Variants in ANKRD28 observed in about 807,000 individuals in gnomAD.
ANKRD28 encodes ankyrin repeat domain 28.
ANKRD28 carries 44 observed loss-of-function variants against 126.5 expected under a neutral mutation model. That is an observed-to-expected ratio of 0.35 (90% confidence interval 0.27 to 0.45). ANKRD28 has a LOEUF of 0.45. ANKRD28 is among the 20% of genes least tolerant of loss of function. The pLI is 1.00. For missense variants in ANKRD28, 1,110 were observed against 1,316.6 expected (o/e 0.84, Z 2.43); for synonymous variants, 442 against 468.5 (o/e 0.94, Z 0.73).
upstream of ANKRD28, among the ~76,000 whole-genome samples, chr3:15,800,131 A>G (rs1326632437): frequency 6.6e-6 from 1 of 152,110 alleles, no homozygotes; most frequent in Non-Finnish European, 1.5e-5. Context: ...TTCTGCTTCC[A>G]TCATTTCCTA....
chr3:15,835,883 A>C (rs1434023946), intron 1 of ANKRD28, among the ~76,000 whole-genome samples: 6 of 152,252 alleles, frequency 3.9e-5, no homozygotes. Flanking sequence ...GGAAGAAATA[A>C]AGAGCACTGG....
chr3:15,731,671 G>A (rs1054537373), intron 6 of ANKRD28, among the ~76,000 whole-genome samples: 3 of 151,908 alleles, frequency 2.0e-5, no homozygotes, highest in Non-Finnish European at 2.9e-5. Context: ...TCAACATGGT[G>A]AAACCTCATC....
intron 5 of ANKRD28, among the ~76,000 whole-genome samples, chr3:15,736,720 A>C (rs2075039853): frequency 6.6e-6 from 1 of 152,178 alleles, no homozygotes; most frequent in Admixed American, 6.5e-5. Flanking sequence ...TTCCTTTGCT[A>C]TTTACTTCTG....
chr3:15,694,870 T>G, intron 16 of ANKRD28, 57 bp from the exon 17 acceptor site: 24 of 1,491,978 alleles, frequency 1.6e-5, no homozygotes, highest in Non-Finnish European at 2.1e-5. Flanking sequence ...AATTATTCTC[T>G]CCCACCCACC....
chr3:15,833,069 C>A lies in ANKRD28; in HGVS notation c.27+26308G>T, dbSNP rs1241822324. ...AATAGTGTATAGTGTATAAGCATTC[C>A]CTTTTCTTCACACCTGTGATGGTTA... On this transcript the variant is annotated intron_variant, in intron 1 of 27. Transcript: ENST00000399451. The surrounding 1 kb of genome is among the most constrained non-coding windows in gnomAD (Gnocchi z 4.4). 2.6e-5 allele frequency among the ~76,000 whole-genome samples: 4 copies of A among 152,112 alleles called. No homozygotes were observed. Among genetic ancestry groups the A allele is most frequent in the Non-Finnish European group, 5.9e-5 (4 of 68,014 alleles).
intron 6 of ANKRD28, among the ~76,000 whole-genome samples, chr3:15,729,788 T>C (rs554819617): frequency 6.6e-6 from 1 of 152,156 alleles, no homozygotes; most frequent in Non-Finnish European, 1.5e-5. Flanking sequence ...AAAGTAGATA[T>C]TTACAGCCTC....
chr3:15,818,441 C>T (rs895608162), intron 1 of ANKRD28, among the ~76,000 whole-genome samples: 7 of 152,140 alleles, frequency 4.6e-5, no homozygotes, highest in Admixed American at 1.3e-4. Context: ...AAATGAATTT[C>T]GTGTTTAGAC....
At chr3:15,754,459 C>A (rs2058049432) in intron 3 of ANKRD28, among the ~76,000 whole-genome samples, 1 of 152,048 alleles carries the variant, frequency 6.6e-6, no homozygotes, top group African/African-American at 2.4e-5. Context: ...CAGTAAAATG[C>A]TTCCTTTAAG....
At position 15,737,221 on chromosome 3, in the gene ANKRD28, C is replaced by A; in HGVS notation, c.364G>T (p.Val122Leu). ...VASCSEEAVQVLLKHSADVNA... is the reference protein window; with the variant it reads ...VASCSEEAVQLLLKHSADVNA... ...ACATCTGCAGAATGCTTCAAAAGTACCTGAACTGCTTCCTAAAACATATGA... is the reference window on the plus strand; with the variant it reads ...ACATCTGCAGAATGCTTCAAAAGTAACTGAACTGCTTCCTAAAACATATGA... Residue 122 changes from valine to leucine, a missense_variant, in exon 5 of 28, where the codon GTA (valine) becomes TTA (leucine). Coordinates refer to ENST00000683139, the MANE Select transcript of ANKRD28 (RefSeq NM_001349278.2). 1 of 1,613,540 alleles carries A rather than the reference C, an allele frequency of 6.2e-7. No homozygotes were observed. Among genetic ancestry groups the A allele is most frequent in the South Asian group, 1.1e-5 (1 of 91,016 alleles).
chr3:15,758,800 C>T (rs2058304395), intron 3 of ANKRD28, among the ~76,000 whole-genome samples: 2 of 152,098 alleles, frequency 1.3e-5, no homozygotes, highest in African/African-American at 4.8e-5. Context: ...ACTAATGTAC[C>T]AGCACTGAAG....
rs2060802131 is a variant in ANKRD28 at position 15,814,928 on chromosome 3, A to T, written c.28-19622T>A. 6.6e-6 allele frequency among the ~76,000 whole-genome samples: 1 copy of T among 150,614 alleles called. No homozygotes were observed. Among genetic ancestry groups the T allele is most frequent in the Non-Finnish European group, 1.5e-5 (1 of 67,656 alleles). ...ACTTTTTTAAAGGTTAGGATAATACATACATATTATTTAGTAACTTGCTTG... is the reference window on the plus strand; with the variant it reads ...ACTTTTTTAAAGGTTAGGATAATACTTACATATTATTTAGTAACTTGCTTG... On this transcript the variant is annotated intron_variant, in intron 1 of 27. Transcript: ENST00000399451. This position sits in a 1 kb window ranked among gnomAD's most constrained non-coding sequence, Gnocchi z 4.7.
At chr3:15,685,954 A>G in intron 20 of ANKRD28, 48 bp downstream of exon 20, 2 of 1,418,962 alleles carry the variant, frequency 1.4e-6, no homozygotes, top group Non-Finnish European at 2.0e-6. Context: ...TCTAGGTAAT[A>G]TGAGGTCATA....
At chr3:15,714,717 T>G in intron 8 of ANKRD28, 61 bp from the exon 9 acceptor site, 1 of 1,132,928 alleles carries the variant, frequency 8.8e-7, no homozygotes. Context: ...AACCTTAGTT[T>G]TACTTTGAAT....
intron 8 of ANKRD28, among the ~76,000 whole-genome samples, chr3:15,717,397 A>G (rs2073192626): frequency 6.6e-6 from 1 of 152,170 alleles, no homozygotes; most frequent in Non-Finnish European, 1.5e-5. Flanking sequence ...TACTAACTAA[A>G]AAGTTTGCCA....
intron 4 of ANKRD28, among the ~76,000 whole-genome samples, chr3:15,751,005 A>C (rs1417643525): frequency 6.6e-6 from 1 of 152,172 alleles, no homozygotes; most frequent in Admixed American, 6.5e-5. Flanking sequence ...AAAAGCACCG[A>C]ATACACATTA....
chr3:15,805,605 TCAGTTGAGTG>T (rs1406033536), intron 1 of ANKRD28, among the ~76,000 whole-genome samples: 1 of 152,166 alleles, frequency 6.6e-6, no homozygotes, highest in Non-Finnish European at 1.5e-5. Context: ...CATATTAAAA[TCAGTTGAGTG>T]CAAAATTTTT....
chr3:15,776,828 A>G (rs2125652730), intron 2 of ANKRD28, among the ~76,000 whole-genome samples: 1 of 152,368 alleles, frequency 6.6e-6, no homozygotes, highest in East Asian at 1.9e-4. Context: ...TTCTTCCAAA[A>G]TATCAATTAA....
At chr3:15,755,993 T>C (rs2058133381) in intron 3 of ANKRD28, among the ~76,000 whole-genome samples, 1 of 152,190 alleles carries the variant, frequency 6.6e-6, no homozygotes, top group Non-Finnish European at 1.5e-5. Context: ...TAAACCAATA[T>C]TTACAGAAAA....
intron 1 of ANKRD28, among the ~76,000 whole-genome samples, chr3:15,842,000 T>A (rs1302618165): frequency 2.6e-5 from 4 of 150,952 alleles, no homozygotes. Context: ...TATATAGGCA[T>A]AATTTATATG....
Sources: allele counts gnomAD v4.1 joint callset (sites outside exome capture counted in the v4.1 genomes callset), GRCh38; gene constraint gnomAD v4.1.1; non-coding constraint Gnocchi (gnomAD v3.1); transcripts MANE v1.5; gene names NCBI Gene and HGNC (gene_info 2026-07-23, HGNC 2026-07-21).